CD109: variants seen among roughly 807,000 people sequenced by gnomAD.
The protein encoded by CD109 is CD109 antigen.
CD109 carries 149 observed loss-of-function variants against 165.8 expected under a neutral mutation model. The observed-to-expected ratio is 0.90, with a 90% CI of 0.79 to 1.03. CD109 has a LOEUF of 1.03. CD109 is among the 50% of genes least tolerant of loss of function. The pLI, the probability that CD109 is intolerant of heterozygous loss-of-function variation, is 0.00. For synonymous variants in CD109, 585 were observed against 592.1 expected (o/e 0.99, Z 0.18); for missense variants, 1,712 against 1,677.8 (o/e 1.02, Z -0.36).
Position 73,824,172 on chromosome 6 carries a change from G to C in CD109, c.*539G>C, listed in dbSNP as rs980828552. On this transcript the variant is annotated 3_prime_UTR_variant, in exon 33 of 33. Coordinates refer to ENST00000287097, the MANE Select transcript of CD109 (RefSeq NM_133493.5). ...GGAAATTCTTTCTTTTCAGAATCTA[G>C]GTGGTGAATTTTTTTTAAGTGGCAC... 4 of 142,316 alleles carry C rather than the reference G, an allele frequency of 2.8e-5. No individual in the cohort carries two copies. The highest frequency in any genetic ancestry group is 1.1e-4 in the African/African-American group (4 of 38,030). The allele number at this position is 142,316 out of a possible 1,614,324, so 8.8% of individuals were successfully genotyped here. A position where few individuals can be genotyped will look rare whatever the true frequency, so the allele number is the denominator to read the frequency against.
chr6:73,793,723 A>G lies in CD109; in HGVS notation c.2878+921A>G, dbSNP rs117597350. 4.1e-4 allele frequency among the ~76,000 whole-genome samples: 62 copies of G among 152,352 alleles called. No individual in the cohort carries two copies. In the East Asian group the frequency reaches 4.8e-3, roughly 12 times the overall value. On this transcript the variant is annotated intron_variant, in intron 23 of 32. Transcript: ENST00000287097. ...AATACTCCAAAAGCTTACCAAAGTT[A>G]CAGTCTCAGTTTTGTATTTCCTTAT...
Position 73,736,461 on chromosome 6 carries a change from T to C in CD109, c.586T>C (p.Ser196Pro), listed in dbSNP as rs1298304191. The C allele has an allele frequency of 1.2e-6, 2 of 1,613,908 alleles. No homozygotes were observed. The highest frequency in any genetic ancestry group is 4.5e-5 in the East Asian group (2 of 44,866). ...LGVISKTFQLSSHPILGDWSI... is the reference protein window; with the variant it reads ...LGVISKTFQLPSHPILGDWSI... The stretch of plus-strand genomic sequence containing the variant: ...AGTCATTTCCAAAACTTTTCAGCTA[T>C]CTTCCCATCCAATACTTGGTGACTG... The change falls in exon 5 of 33, where the codon TCT (serine) becomes CCT (proline). Residue 196 changes from serine (S) to proline (P), a missense_variant. Coordinates refer to ENST00000287097, the MANE Select transcript of CD109 (RefSeq NM_133493.5).
chr6:73,730,598 C>G, intron 4 of CD109, 24 bp downstream of exon 4: 1 of 1,480,950 alleles, frequency 6.8e-7, no homozygotes, highest in Non-Finnish European at 9.4e-7. Context: ...AGAAATGAAG[C>G]AAGGAATTCT....
Position 73,818,348 on chromosome 6 carries a change from TTCCTGAGGAGTTTTCATTCA to T in CD109, c.3912-35_3912-16del. 1 of 1,611,404 alleles carries T rather than the reference TTCCTGAGGAGTTTTCATTCA, an allele frequency of 6.2e-7. No homozygotes were observed. Among genetic ancestry groups the T allele is most frequent in the Non-Finnish European group, 8.5e-7 (1 of 1,178,128 alleles). On this transcript the variant is annotated intron_variant, in intron 30 of 32. Coordinates refer to ENST00000287097, the MANE Select transcript of CD109 (RefSeq NM_133493.5). ...ATAATTTGATAACAGCTATGGGTTTTTCCTGAGGAGTTTTCATTCATCCTCCCTCTTTGATTTAGCTTTTC... is the reference window on the plus strand; with the variant it reads ...ATAATTTGATAACAGCTATGGGTTTTTCCTCCCTCTTTGATTTAGCTTTTC...
At chr6:73,720,398 C>T (rs1771904899) in intron 2 of CD109, among the ~76,000 whole-genome samples, 1 of 152,008 alleles carries the variant, frequency 6.6e-6, no homozygotes, top group African/African-American at 2.4e-5. Context: ...CACAAAATTT[C>T]AGTTATACGG....
intron 4 of CD109, among the ~76,000 whole-genome samples, chr6:73,734,081 C>T (rs1305664712): frequency 2.0e-5 from 3 of 152,304 alleles, no homozygotes; most frequent in South Asian, 4.1e-4. Context: ...AAATGCTGGG[C>T]TCCGCTGTGA....
At chr6:73,732,037 G>T (rs1772384221) in intron 4 of CD109, among the ~76,000 whole-genome samples, 1 of 152,096 alleles carries the variant, frequency 6.6e-6, no homozygotes, top group Non-Finnish European at 1.5e-5. Flanking sequence ...AGCTGGGCCT[G>T]GTTTTCTGTA....
intron 3 of CD109, among the ~76,000 whole-genome samples, chr6:73,724,074 A>C (rs1266925965): frequency 1.3e-5 from 2 of 152,236 alleles, no homozygotes; most frequent in Non-Finnish European, 2.9e-5. Flanking sequence ...GTCTTTGTTT[A>C]AAACTTCGAC....
intron 3 of CD109, among the ~76,000 whole-genome samples, chr6:73,723,953 C>T (rs1772046966): frequency 6.6e-6 from 1 of 152,076 alleles, no homozygotes; most frequent in Admixed American, 6.6e-5. Context: ...TCGTAATGAG[C>T]CTTCTAGTGT....
At chr6:73,747,875 C>A (rs1773037160) in intron 5 of CD109, among the ~76,000 whole-genome samples, 1 of 151,512 alleles carries the variant, frequency 6.6e-6, no homozygotes, top group Admixed American at 6.6e-5. Flanking sequence ...AAATATATTT[C>A]TTTCTTTCTT....
chr6:73,734,020 G>T (rs73458377), intron 4 of CD109, among the ~76,000 whole-genome samples: 1,736 of 152,280 alleles, frequency 0.011, 38 homozygotes, highest in African/African-American at 0.039. Flanking sequence ...TGTGACGGGG[G>T]TATTGCTCAT....
chr6:73,696,410 C>A, intron 1 of CD109, 121 bp downstream of exon 1: 1 of 775,572 alleles, frequency 1.3e-6, no homozygotes, highest in Non-Finnish European at 1.8e-6. Flanking sequence ...AATGCCCTCG[C>A]GGCTGCAGTC....
intron 28 of CD109, among the ~76,000 whole-genome samples, chr6:73,811,901 G>A (rs147819834): frequency 6.6e-6 from 1 of 152,236 alleles, no homozygotes; most frequent in East Asian, 1.9e-4. Context: ...GTCAGGGGAG[G>A]GAGATGACTT....
chr6:73,760,363 T>C (rs970516131), intron 7 of CD109, among the ~76,000 whole-genome samples: 1 of 123,390 alleles, frequency 8.1e-6, no homozygotes, highest in Non-Finnish European at 1.6e-5. Context: ...GCCGAGATTG[T>C]GCCACTGCAG....
At chr6:73,807,476 T>C (rs1339464038) in intron 25 of CD109, among the ~76,000 whole-genome samples, 1 of 152,160 alleles carries the variant, frequency 6.6e-6, no homozygotes, top group Non-Finnish European at 1.5e-5. Context: ...CAATATCTGT[T>C]AATTTAGTGC....
At chr6:73,742,910 A>G (rs993436463) in intron 5 of CD109, among the ~76,000 whole-genome samples, 5 of 152,224 alleles carry the variant, frequency 3.3e-5, no homozygotes, top group Non-Finnish European at 5.9e-5. Context: ...AGGAAATTCT[A>G]CTAGTTTTTT....
rs1776327752 is a variant in CD109, at chr6:73,828,192, A to G, written c.*4559A>G. On this transcript the variant is annotated 3_prime_UTR_variant, in exon 33 of 33. Coordinates refer to ENST00000287097, the MANE Select transcript of CD109 (RefSeq NM_133493.5). The stretch of plus-strand genomic sequence containing the variant: ...TAAGGAACTAAAGCTTTATATATTG[A>G]TCAAGGTGATTCTGAAAGTTTTAAT... 1 of 154,778 alleles carries G rather than the reference A, an allele frequency of 6.5e-6. No individual in the cohort carries two copies. The highest frequency in any genetic ancestry group is 1.5e-5 in the Non-Finnish European group (1 of 68,206). 9.6% of individuals were successfully genotyped at this position (154,778 alleles called of 1,614,324 possible). A position where few individuals can be genotyped will look rare whatever the true frequency, so the allele number is the denominator to read the frequency against.
the CD109 span, among the ~76,000 whole-genome samples, chr6:73,689,535 C>A: frequency 6.6e-6 from 1 of 152,154 alleles, no homozygotes; most frequent in African/African-American, 2.4e-5. Flanking sequence ...GGGAAAACCA[C>A]TTTGGTTCAG....
chr6:73,733,763 G>C lies in CD109; in HGVS notation c.508-2620G>C, dbSNP rs138044506. On this transcript the variant is annotated intron_variant, in intron 4 of 32. Transcript: ENST00000287097. ...AACTCAGAACCTGACCGCTGGCCAG[G>C]TGAAGAAGCTACCTTATTTGAGTGA... Among the ~76,000 whole-genome samples the C allele has an allele frequency of 4.9e-3, 746 of 152,322 alleles. 10 individuals are homozygous for C. The highest frequency in any genetic ancestry group is 0.017 in the African/African-American group (708 of 41,564).
Sources: allele counts gnomAD v4.1 joint callset (sites outside exome capture counted in the v4.1 genomes callset), GRCh38; gene constraint gnomAD v4.1.1; transcripts MANE v1.5; gene names NCBI Gene and HGNC (gene_info 2026-07-23, HGNC 2026-07-21).